GNL2: variants seen among roughly 807,000 people sequenced by gnomAD.
GNL2 encodes nucleolar GTP-binding protein 2.
GNL2 carries 51 observed loss-of-function variants against 92.3 expected under a neutral mutation model. The ratio of observed to expected loss-of-function variants is 0.55; its 90% CI spans 0.44 to 0.70. The LOEUF is 0.70. Among genes scored for constraint, GNL2 ranks in the 30% least tolerant of loss-of-function variants. The pLI is 0.00. For synonymous variants in GNL2, 283 were observed against 300.6 expected, an observed-to-expected ratio of 0.94 and a Z score of 0.61; for missense variants, 844 against 895.6, an observed-to-expected ratio of 0.94 and a Z score of 0.74.
intron 5 of GNL2, among the ~76,000 whole-genome samples, chr1:37,585,518 A>T (rs1643838043): frequency 6.6e-6 from 1 of 152,188 alleles, no homozygotes; most frequent in African/African-American, 2.4e-5. Context: ...TATTTTTCTG[A>T]TAAGGTTTAG....
rs1643508541 is a variant in GNL2 at position 37,566,824 on chromosome 1, T to C, written c.*31A>G. The C allele has an allele frequency of 1.2e-6, 2 of 1,601,734 alleles. No individual in the cohort carries two copies. Among genetic ancestry groups the C allele is most frequent in the Non-Finnish European group, 1.7e-6 (2 of 1,170,652 alleles). ...AAAACACAATTTCTAACTGCCTGTT[T>C]TTGTATAATTTAATAAAAACCTTTT... On this transcript the variant is annotated 3_prime_UTR_variant, in exon 16 of 16. Transcript: ENST00000373062.
intron 7 of GNL2, 130 bp downstream of exon 7, chr1:37,582,648 T>G: frequency 1.2e-6 from 1 of 801,958 alleles, no homozygotes; most frequent in Admixed American, 2.6e-5. Flanking sequence ...ATGAGCACAC[T>G]TTCGTGTTTC....
At chr1:37,577,386 G>A (rs1230626957) in intron 8 of GNL2, among the ~76,000 whole-genome samples, 3 of 152,262 alleles carry the variant, frequency 2.0e-5, no homozygotes, top group African/African-American at 7.2e-5. Context: ...GCCTACAAAC[G>A]AATGGAGGCT....
At chr1:37,579,316 G>C (rs958826409) in intron 8 of GNL2, among the ~76,000 whole-genome samples, 1 of 150,872 alleles carries the variant, frequency 6.6e-6, no homozygotes, top group South Asian at 2.1e-4. Flanking sequence ...GGGAGGCCGA[G>C]GGGGGCGGAT....
Position 37,590,898 on chromosome 1 carries a change from T to C in GNL2, c.245-53A>G. ...CTTAGTTAATATTTGCGCATCCATC[T>C]TCCACTGACACGGTGAAAGGCAAGA... On this transcript the variant is annotated intron_variant, in intron 3 of 15. Coordinates refer to ENST00000373062, the MANE Select transcript of GNL2 (RefSeq NM_013285.3). 4.9e-6 allele frequency: 7 copies of C among 1,425,272 alleles called. No individual in the cohort carries two copies. The East Asian group carries it at 1.7e-4, about 34-fold the overall frequency. The allele number at this position is 1,425,272 out of a possible 1,614,324, so 88.3% of individuals were successfully genotyped here. A position where few individuals can be genotyped will look rare whatever the true frequency, so the allele number is the denominator to read the frequency against.
intron 8 of GNL2, among the ~76,000 whole-genome samples, chr1:37,580,533 G>A (rs1369727504): frequency 6.6e-6 from 1 of 152,222 alleles, no homozygotes; most frequent in Non-Finnish European, 1.5e-5. Context: ...TGGAAAGAAA[G>A]GAGTAAACCA....
At chr1:37,593,973 T>G in intron 1 of GNL2, 127 bp from the exon 2 acceptor site, 4 of 630,742 alleles carry the variant, frequency 6.3e-6, no homozygotes, top group Non-Finnish European at 1.1e-5. Flanking sequence ...CAAAAATCTC[T>G]ACTTTCTCCA....
At chr1:37,578,538 A>T (rs1643713751) in intron 8 of GNL2, among the ~76,000 whole-genome samples, 1 of 151,686 alleles carries the variant, frequency 6.6e-6, no homozygotes, top group African/African-American at 2.4e-5. Flanking sequence ...AAAAAAAAGA[A>T]CCTATCAGCT....
In GNL2 at chr1:37,567,764, G is replaced by A; in HGVS notation, c.1952C>T (p.Ala651Val). ...KTLEEDVDDR[A>V]PSKKGKKRKA... ...CCGCTTCTTTCCCTTTTTGGAAGGTGCTGGATACAAACAATACACAAACAG... is the reference window on the plus strand; with the variant it reads ...CCGCTTCTTTCCCTTTTTGGAAGGTACTGGATACAAACAATACACAAACAG... Residue 651 changes from alanine to valine, a missense_variant and splice_region_variant, in exon 15 of 16, where the codon GCA becomes GTA. By Grantham distance (64) the Ala-to-Val change is moderately conservative (BLOSUM62 0). Transcript: ENST00000373062. The A allele has an allele frequency of 6.2e-7, 1 of 1,609,604 alleles. No homozygotes were observed. Among genetic ancestry groups the A allele is most frequent in the Non-Finnish European group, 8.5e-7 (1 of 1,175,966 alleles).
intron 15 of GNL2, among the ~76,000 whole-genome samples, chr1:37,567,311 C>A (rs888078336): frequency 2.6e-4 from 40 of 152,230 alleles, no homozygotes; most frequent in African/African-American, 9.6e-4. Flanking sequence ...AACCACTCCC[C>A]TCCCCAGAGG....
intron 4 of GNL2, among the ~76,000 whole-genome samples, chr1:37,589,536 G>C (rs1454813518): frequency 6.6e-6 from 1 of 152,108 alleles, no homozygotes; most frequent in African/African-American, 2.4e-5. Context: ...TCAATCTCCT[G>C]ACCTTGTGAT....
chr1:37,577,004 T>C lies in GNL2; in HGVS notation c.910-448A>G, dbSNP rs942316438. Among the ~76,000 whole-genome samples the C allele has an allele frequency of 3.3e-5, 5 of 151,488 alleles. No homozygotes were observed. In the East Asian group the frequency reaches 9.7e-4, roughly 29 times the overall value. ...GCGCAAGCCTGTAATCCCAGCTACT[T>C]GGGAGGCTGAGGCAGGAGAATCGCT... On this transcript the variant is annotated intron_variant, in intron 8 of 15. Coordinates refer to ENST00000373062, the MANE Select transcript of GNL2 (RefSeq NM_013285.3).
intron 15 of GNL2, 23 bp from the exon 16 acceptor site, chr1:37,567,030 A>G (rs777900985): frequency 1.2e-6 from 2 of 1,602,380 alleles, no homozygotes; most frequent in Admixed American, 3.5e-5. Flanking sequence ...GCAAGAAAAG[A>G]TGAAGAAAAA....
chr1:37,582,506 T>C (rs1237106665), intron 7 of GNL2, among the ~76,000 whole-genome samples, 170 bp from the exon 8 acceptor site: 1 of 152,248 alleles, frequency 6.6e-6, no homozygotes, highest in Non-Finnish European at 1.5e-5. Flanking sequence ...TAATGCTTTG[T>C]TCTTCTGTCT....
chr1:37,567,798 T>A (rs1325490222), intron 14 of GNL2, 34 bp from the exon 15 acceptor site: 1 of 1,541,682 alleles, frequency 6.5e-7, no homozygotes, highest in East Asian at 2.2e-5. Context: ...AGGAATTTTC[T>A]ATTGAAAATT....
rs149148888 is a variant in GNL2, at chr1:37,567,020, G to A, written c.2044-13C>T. On this transcript the variant is annotated splice_polypyrimidine_tract_variant and intron_variant, in intron 15 of 15. Transcript: ENST00000373062. ...CTGCTCGCCTCCGCTGTAAAAAATG[G>A]CAAGAAAAGATGAAGAAAAAAAACA... 1 of 1,601,914 alleles carries A rather than the reference G, an allele frequency of 6.2e-7. No homozygotes were observed. Among genetic ancestry groups the A allele is most frequent in the South Asian group, 1.1e-5 (1 of 87,926 alleles).
At chr1:37,593,672 G>T (rs779307566) in intron 2 of GNL2, 90 bp downstream of exon 2, 89 of 798,168 alleles carry the variant, frequency 1.1e-4, no homozygotes, top group Middle Eastern at 2.3e-4. Flanking sequence ...TGGAGGAAGT[G>T]GGGGTGAGAA....
intron 4 of GNL2, among the ~76,000 whole-genome samples, chr1:37,588,364 CCT>C (rs1375974592): frequency 7.9e-5 from 12 of 152,224 alleles, no homozygotes; most frequent in African/African-American, 2.9e-4. Flanking sequence ...TGCAGCAGCC[CCT>C]GTGGTTTCTG....
chr1:37,581,825 T>C (rs1187417282), intron 8 of GNL2, among the ~76,000 whole-genome samples: 1 of 151,794 alleles, frequency 6.6e-6, no homozygotes, highest in Admixed American at 6.6e-5. Flanking sequence ...CCACCATGCC[T>C]GGCCAATTTT....
Sources: gnomAD v4.1 joint callset for allele counts (sites outside exome capture counted in the v4.1 genomes callset) on GRCh38, gnomAD v4.1.1 for gene constraint, MANE v1.5 for transcripts, NCBI Gene and HGNC (gene_info 2026-07-23, HGNC 2026-07-21) for gene names.